FAF1: variants seen among roughly 807,000 people sequenced by gnomAD.
FAF1 encodes Fas associated factor 1.
In FAF1, 25 loss-of-function variants were observed where a neutral mutation model predicts 92.5. That is an observed-to-expected ratio of 0.27 (90% CI 0.20 to 0.38). The LOEUF is 0.38. Among genes scored for constraint, FAF1 ranks in the 10% least tolerant of loss-of-function variants. FAF1 has a pLI of 1.00. For missense variants in FAF1, 636 were observed against 793.3 expected (o/e 0.80, Z 2.38); for synonymous variants, 234 against 273.2 (o/e 0.86, Z 1.42).
chr1:50,958,598 A>T (rs541222827), intron 1 of FAF1, among the ~76,000 whole-genome samples: 1 of 152,090 alleles, frequency 6.6e-6, no homozygotes, highest in African/African-American at 2.4e-5. Flanking sequence ...GAATGGCGTG[A>T]ACCTGGGAGG....
At chr1:50,833,972 T>G (rs1644178270) in intron 2 of FAF1, among the ~76,000 whole-genome samples, 1 of 152,232 alleles carries the variant, frequency 6.6e-6, no homozygotes, top group Non-Finnish European at 1.5e-5. Flanking sequence ...TTTGATATGG[T>G]TTGGATTTAT....
intron 6 of FAF1, among the ~76,000 whole-genome samples, chr1:50,736,364 T>C (rs1659138188): frequency 6.6e-6 from 1 of 152,246 alleles, no homozygotes; most frequent in Non-Finnish European, 1.5e-5. Flanking sequence ...TGAAGTCTAG[T>C]ACAAAGCAAG....
chr1:50,722,686 G>A (rs1338521770), intron 6 of FAF1, among the ~76,000 whole-genome samples: 3 of 150,098 alleles, frequency 2.0e-5, no homozygotes, highest in African/African-American at 7.4e-5. Context: ...TCTAAGTCCT[G>A]GCTCATCCAT....
At chr1:50,885,563 C>A (rs1365950092) in intron 1 of FAF1, among the ~76,000 whole-genome samples, 2 of 152,000 alleles carry the variant, frequency 1.3e-5, no homozygotes, top group Non-Finnish European at 2.9e-5. Flanking sequence ...TATTTTCAGT[C>A]TATATGTGTC....
At chr1:50,905,085 G>T (rs894460060) in intron 1 of FAF1, among the ~76,000 whole-genome samples, 1 of 151,988 alleles carries the variant, frequency 6.6e-6, no homozygotes, top group Admixed American at 6.6e-5. Flanking sequence ...CCCACCCTGT[G>T]TCCAAGTGTT....
At chr1:50,765,391 T>C (rs1660526661) in intron 4 of FAF1, among the ~76,000 whole-genome samples, 1 of 152,192 alleles carries the variant, frequency 6.6e-6, no homozygotes, top group African/African-American at 2.4e-5. Context: ...TTCAAGGTCA[T>C]TTGGAAGGAA....
rs1303596800 is a variant in FAF1, at chr1:50,583,354, T to C, written c.1031+298A>G. 2.6e-5 allele frequency among the ~76,000 whole-genome samples: 4 copies of C among 151,944 alleles called. No homozygotes were observed. Among genetic ancestry groups the C allele is most frequent in the Non-Finnish European group, 5.9e-5 (4 of 67,876 alleles). Reference sequence around the variant, plus strand: ...TTTTCCATTTGACTGTCCTAAGATATACTAAAAATTACTATCCTATATCCT... The same window carrying C: ...TTTTCCATTTGACTGTCCTAAGATACACTAAAAATTACTATCCTATATCCT... On this transcript the variant is annotated intron_variant, in intron 11 of 18. Transcript: ENST00000396153. The surrounding 1 kb of genome is among the most constrained non-coding windows in gnomAD (Gnocchi z 4.2).
At chr1:50,715,982 T>A (rs1658150706) in intron 6 of FAF1, among the ~76,000 whole-genome samples, 1 of 152,176 alleles carries the variant, frequency 6.6e-6, no homozygotes, top group Non-Finnish European at 1.5e-5. Flanking sequence ...AAAATAAATG[T>A]AACACTCTTT....
At position 50,729,089 on chromosome 1, in the gene FAF1, A is replaced by G. The variant is rs1658809763; in HGVS notation, c.551+9774T>C. On this transcript the variant is annotated intron_variant, in intron 6 of 18. Coordinates refer to ENST00000396153, the MANE Select transcript of FAF1 (RefSeq NM_007051.3). ...TTTTTTTTTGAGGCAGAGTTTCGCT[A>G]TTGTTGCCCAGGCTGAAGTGCAATG... Among the ~76,000 whole-genome samples the G allele has an allele frequency of 2.6e-5, 3 of 114,540 alleles. No homozygotes were observed. The South Asian group carries it at 8.1e-4, about 31-fold the overall frequency. 75.1% of individuals were successfully genotyped at this position (114,540 alleles called of 152,430 possible).
intron 18 of FAF1, among the ~76,000 whole-genome samples, chr1:50,473,243 A>C (rs1449279291): frequency 6.6e-6 from 1 of 152,170 alleles, no homozygotes; most frequent in African/African-American, 2.4e-5. Flanking sequence ...AGAGGTTCTT[A>C]ATAATGATCA....
intron 15 of FAF1, among the ~76,000 whole-genome samples, chr1:50,500,494 T>G (rs1298579385): frequency 6.6e-6 from 1 of 152,150 alleles, no homozygotes; most frequent in Non-Finnish European, 1.5e-5. Context: ...CTTCAATACA[T>G]ACATCACACT....
chr1:50,799,769 T>A (rs193070057), intron 3 of FAF1, among the ~76,000 whole-genome samples: 2 of 152,304 alleles, frequency 1.3e-5, no homozygotes, highest in African/African-American at 4.8e-5. Flanking sequence ...ATATTCGACT[T>A]TATTATAAAA....
At chr1:50,560,312 T>C (rs1296199394) in intron 13 of FAF1, among the ~76,000 whole-genome samples, 1 of 152,230 alleles carries the variant, frequency 6.6e-6, no homozygotes, top group African/African-American at 2.4e-5. Context: ...TGGAAAACTA[T>C]CACTTGAATA....
intron 2 of FAF1, among the ~76,000 whole-genome samples, chr1:50,841,297 A>C (rs932736035): frequency 5.9e-5 from 9 of 152,026 alleles, no homozygotes; most frequent in Non-Finnish European, 1.3e-4. Flanking sequence ...AGGCTTCAAA[A>C]TTTTTAAGAT....
At chr1:50,784,106 G>A (rs1202432249) in intron 4 of FAF1, among the ~76,000 whole-genome samples, 1 of 152,100 alleles carries the variant, frequency 6.6e-6, no homozygotes, top group African/African-American at 2.4e-5. Context: ...GAACTAAAAG[G>A]TTTTCTTCTA....
chr1:50,578,308 A>G (rs1650845419), intron 12 of FAF1, among the ~76,000 whole-genome samples: 1 of 152,172 alleles, frequency 6.6e-6, no homozygotes, highest in African/African-American at 2.4e-5. Flanking sequence ...AGATGAAGAA[A>G]ATTTAGTAAG....
At chr1:50,889,161 T>G (rs1644696979) in intron 1 of FAF1, among the ~76,000 whole-genome samples, 1 of 152,260 alleles carries the variant, frequency 6.6e-6, no homozygotes, top group Admixed American at 6.5e-5. Flanking sequence ...TAGAGGTGTT[T>G]ACAGTATTCT....
At chr1:50,488,364 T>C (rs897123439) in intron 17 of FAF1, among the ~76,000 whole-genome samples, 2 of 152,206 alleles carry the variant, frequency 1.3e-5, no homozygotes, top group Non-Finnish European at 2.9e-5. Flanking sequence ...AGATAAATCA[T>C]CAGATGAAAT....
intron 1 of FAF1, among the ~76,000 whole-genome samples, chr1:50,891,394 G>A (rs771748634): frequency 3.9e-5 from 6 of 152,122 alleles, no homozygotes; most frequent in Non-Finnish European, 7.4e-5. Context: ...TTGTTCCGTT[G>A]CTGGTGAGGA....
Sources: gnomAD v4.1 joint callset for allele counts (sites outside exome capture counted in the v4.1 genomes callset) on GRCh38, gnomAD v4.1.1 for gene constraint, Gnocchi (gnomAD v3.1) non-coding constraint, MANE v1.5 for transcripts, NCBI Gene and HGNC (gene_info 2026-07-23, HGNC 2026-07-21) for gene names.